Variants in SGCZ observed in about 807,000 individuals in gnomAD.
The protein encoded by SGCZ is zeta-sarcoglycan.
A neutral mutation model predicts 41.3 loss-of-function variants in SGCZ; 40 were observed. The ratio of observed to expected loss-of-function variants is 0.97; its 90% confidence interval spans 0.75 to 1.26. The LOEUF is 1.26. Ranked by LOEUF, SGCZ falls within the 50% of genes most tolerant of loss-of-function variation. SGCZ has a pLI of 0.00. For synonymous variants in SGCZ, 206 were observed against 137.5 expected (o/e 1.50, Z -3.49); for missense variants, 552 against 369.8 (o/e 1.49, Z -4.04).
chr8:14,641,315 A>C (rs1807018875), intron 1 of SGCZ, among the ~76,000 whole-genome samples: 1 of 151,780 alleles, frequency 6.6e-6, no homozygotes, highest in Non-Finnish European at 1.5e-5. Flanking sequence ...TTCTTGATAA[A>C]GTTTCAAGAT....
intron 2 of SGCZ, among the ~76,000 whole-genome samples, chr8:14,514,817 A>G (rs1330717409): frequency 9.8e-5 from 12 of 122,664 alleles, no homozygotes; most frequent in South Asian, 2.5e-4. Context: ...GTGTGTGTAT[A>G]TATACACGCA....
chr8:14,247,822 C>T (rs1799158266), intron 3 of SGCZ, among the ~76,000 whole-genome samples: 1 of 152,134 alleles, frequency 6.6e-6, no homozygotes, highest in African/African-American at 2.4e-5. Context: ...ACTATGGGGA[C>T]ATGATTGAGG....
chr8:14,420,632 G>A lies in SGCZ; in HGVS notation c.235-96428C>T, dbSNP rs565946340. ...CTGAGCTCAGAAATGTGTTTGCACA[G>A]CATAGATGCATTAGATCCTGTTCAG... On this transcript the variant is annotated intron_variant, in intron 2 of 7. Transcript: ENST00000382080. Among the ~76,000 whole-genome samples the A allele has an allele frequency of 5.3e-5, 8 of 152,096 alleles. No individual in the cohort carries two copies. In the South Asian group the frequency reaches 1.7e-3, roughly 32 times the overall value.
chr8:15,230,684 T>C (rs1169898265), intron 1 of SGCZ, among the ~76,000 whole-genome samples: 2 of 152,184 alleles, frequency 1.3e-5, no homozygotes, highest in African/African-American at 2.4e-5. Flanking sequence ...TACCTTCCAT[T>C]CTTCAGTCTA....
chr8:14,414,271 T>C (rs1471337), intron 2 of SGCZ, among the ~76,000 whole-genome samples: 36,495 of 151,736 alleles, frequency 0.24, 4,561 homozygotes, highest in Non-Finnish European at 0.29. Flanking sequence ...TATTCCTAAT[T>C]CATTATCAGT....
chr8:14,600,813 T>C (rs1805567459), intron 1 of SGCZ, among the ~76,000 whole-genome samples: 1 of 152,020 alleles, frequency 6.6e-6, no homozygotes, highest in South Asian at 2.1e-4. Flanking sequence ...TTAACTCCAT[T>C]GTTGTACTTA....
chr8:14,884,929 T>C (rs1417460879), intron 1 of SGCZ, among the ~76,000 whole-genome samples: 3 of 152,072 alleles, frequency 2.0e-5, no homozygotes, highest in Non-Finnish European at 4.4e-5. Flanking sequence ...GTGTCCCCTC[T>C]CTCTCAGCTG....
chr8:14,749,321 G>A (rs1444243404), intron 1 of SGCZ, among the ~76,000 whole-genome samples: 1 of 152,126 alleles, frequency 6.6e-6, no homozygotes, highest in Non-Finnish European at 1.5e-5. Context: ...GAAACCGAAT[G>A]CTCAACATGA....
chr8:14,579,455 A>T (rs1804815161), intron 1 of SGCZ, among the ~76,000 whole-genome samples: 1 of 152,176 alleles, frequency 6.6e-6, no homozygotes, highest in Non-Finnish European at 1.5e-5. Context: ...TTTTTTCTGA[A>T]TCAAGTGAAG....
At chr8:15,229,966 T>C (rs1801891848) in intron 1 of SGCZ, among the ~76,000 whole-genome samples, 1 of 152,192 alleles carries the variant, frequency 6.6e-6, no homozygotes, top group African/African-American at 2.4e-5. Context: ...AATTAAAGCA[T>C]TGCATGCCTC....
At chr8:14,150,543 G>C (rs1308218010) in intron 5 of SGCZ, among the ~76,000 whole-genome samples, 1 of 152,082 alleles carries the variant, frequency 6.6e-6, no homozygotes, top group South Asian at 2.1e-4. Flanking sequence ...AGGATGCAGA[G>C]AAAAGGGAAC....
chr8:15,081,873 G>A (rs942947207), intron 1 of SGCZ, among the ~76,000 whole-genome samples: 1 of 152,038 alleles, frequency 6.6e-6, no homozygotes, highest in African/African-American at 2.4e-5. Flanking sequence ...TTTCAAAAAA[G>A]GAAAAGAAAA....
chr8:14,977,204 A>T (rs1477899971), intron 1 of SGCZ, among the ~76,000 whole-genome samples: 1 of 151,898 alleles, frequency 6.6e-6, no homozygotes. Context: ...GGAAGGCGCT[A>T]TGTCTTCTTC....
At chr8:14,621,401 C>A (rs942760842) in intron 1 of SGCZ, among the ~76,000 whole-genome samples, 1 of 150,618 alleles carries the variant, frequency 6.6e-6, no homozygotes, top group Non-Finnish European at 1.5e-5. Flanking sequence ...CAAACCTGCA[C>A]GTTGTGCACA....
At chr8:14,950,729 A>G (rs1800603825) in intron 1 of SGCZ, among the ~76,000 whole-genome samples, 1 of 152,078 alleles carries the variant, frequency 6.6e-6, no homozygotes, top group Admixed American at 6.6e-5. Context: ...AAAGTAAAAC[A>G]TAAAGCAATA....
At chr8:15,082,436 A>G (rs982618567) in intron 1 of SGCZ, among the ~76,000 whole-genome samples, 1 of 96,706 alleles carries the variant, frequency 1.0e-5, no homozygotes, top group Non-Finnish European at 2.7e-5. Flanking sequence ...GTGTGTGTAT[A>G]TCTCTAAGTG....
chr8:14,210,278 C>T (rs774488690), intron 4 of SGCZ, among the ~76,000 whole-genome samples: 7 of 151,352 alleles, frequency 4.6e-5, no homozygotes, highest in African/African-American at 9.7e-5. Flanking sequence ...AGGCTGGTCT[C>T]GAACTCCTGA....
intron 4 of SGCZ, among the ~76,000 whole-genome samples, chr8:14,186,950 G>A (rs1252643720): frequency 6.6e-6 from 1 of 152,144 alleles, no homozygotes; most frequent in African/African-American, 2.4e-5. Context: ...GGATTTAACT[G>A]CATCAGTCCA....
intron 1 of SGCZ, among the ~76,000 whole-genome samples, chr8:14,768,432 A>T (rs1251649915): frequency 6.6e-6 from 1 of 152,238 alleles, no homozygotes; most frequent in Non-Finnish European, 1.5e-5. Context: ...CTGAAGAATG[A>T]CTTAAGCACT....
Sources: gnomAD v4.1 joint callset for allele counts (sites outside exome capture counted in the v4.1 genomes callset) on GRCh38, gnomAD v4.1.1 for gene constraint, MANE v1.5 for transcripts, NCBI Gene and HGNC (gene_info 2026-07-23, HGNC 2026-07-21) for gene names.